SEC24D: variants seen among roughly 807,000 people sequenced by gnomAD.
The protein encoded by SEC24D is protein transport protein Sec24D.
SEC24D carries 69 observed loss-of-function variants against 116.9 expected under a neutral mutation model. That is an observed-to-expected ratio of 0.59 (90% confidence interval 0.49 to 0.72). SEC24D has a LOEUF of 0.72. Among genes scored for constraint, SEC24D ranks in the 30% least tolerant of loss-of-function variants. SEC24D has a pLI of 0.00. For synonymous variants in SEC24D, 405 were observed against 442.8 expected, an observed-to-expected ratio of 0.91 and a Z score of 1.07; for missense variants, 1,131 against 1,264.1, an observed-to-expected ratio of 0.89 and a Z score of 1.60.
chr4:118,802,132 A>C (rs935216805), intron 7 of SEC24D, among the ~76,000 whole-genome samples: 9 of 152,326 alleles, frequency 5.9e-5, no homozygotes, highest in Admixed American at 5.9e-4. Flanking sequence ...AAGAAACAGA[A>C]GAAGGGAGAC....
chr4:118,793,468 A>G (rs1452874143), intron 8 of SEC24D, among the ~76,000 whole-genome samples: 2 of 76,996 alleles, frequency 2.6e-5, no homozygotes, highest in South Asian at 8.0e-4. Context: ...CTCCGTCTCA[A>G]AAAAAAAAAA....
chr4:118,752,129 C>T, intron 12 of SEC24D, 40 bp from the exon 13 acceptor site: 1 of 1,298,468 alleles, frequency 7.7e-7, no homozygotes, highest in South Asian at 1.2e-5. Flanking sequence ...AAATGTTTAG[C>T]ATATTTTAAT....
intron 8 of SEC24D, among the ~76,000 whole-genome samples, chr4:118,784,279 A>G (rs1428566515): frequency 2.6e-5 from 4 of 152,230 alleles, no homozygotes; most frequent in Non-Finnish European, 5.9e-5. Context: ...TATTTATTCT[A>G]TATCAATAAA....
At chr4:118,789,864 A>G (rs1454825065) in intron 8 of SEC24D, among the ~76,000 whole-genome samples, 6 of 152,204 alleles carry the variant, frequency 3.9e-5, no homozygotes, top group East Asian at 1.9e-4. Context: ...GATTACAGGC[A>G]TGAGCCACCG....
At chr4:118,775,610 T>C (rs1274912381) in intron 8 of SEC24D, among the ~76,000 whole-genome samples, 2 of 152,078 alleles carry the variant, frequency 1.3e-5, no homozygotes, top group Admixed American at 6.6e-5. Context: ...GGTAAGGTAG[T>C]AGTATACTGA....
At chr4:118,751,942 GTCTC>G (rs1192623886) in intron 13 of SEC24D, 50 bp downstream of exon 13, 10 of 1,195,420 alleles carry the variant, frequency 8.4e-6, no homozygotes, top group East Asian at 2.4e-5. Flanking sequence ...CTTATTTTTT[GTCTC>G]TCTGTTTTTA....
At chr4:118,816,363 A>C (rs1730147376) in intron 4 of SEC24D, among the ~76,000 whole-genome samples, 2 of 152,188 alleles carry the variant, frequency 1.3e-5, no homozygotes, top group African/African-American at 4.8e-5. Flanking sequence ...AAATCTAGAA[A>C]ATCATATAAA....
chr4:118,758,432 G>A (rs144456117), intron 10 of SEC24D: 11 of 152,102 alleles, frequency 7.2e-5, no homozygotes, highest in South Asian at 2.1e-4. Flanking sequence ...ACATATTTGC[G>A]GTAACATAGA....
At chr4:118,779,438 T>C (rs966020508) in intron 8 of SEC24D, among the ~76,000 whole-genome samples, 2 of 152,350 alleles carry the variant, frequency 1.3e-5, no homozygotes, top group African/African-American at 2.4e-5. Context: ...AAGCCTTGCA[T>C]CCCAGGGATG....
At chr4:118,825,801 C>T (rs1181395557) in intron 2 of SEC24D, among the ~76,000 whole-genome samples, 2 of 152,160 alleles carry the variant, frequency 1.3e-5, no homozygotes, top group Non-Finnish European at 2.9e-5. Flanking sequence ...CATCAATGAC[C>T]ACCTAGCTGC....
chr4:118,802,128 CAGA>C (rs1334626040), intron 7 of SEC24D, among the ~76,000 whole-genome samples: 1 of 152,028 alleles, frequency 6.6e-6, no homozygotes, highest in African/African-American at 2.4e-5. Flanking sequence ...GATTAAGAAA[CAGA>C]AGAAGGGAGA....
In SEC24D at chr4:118,744,156, T is replaced by C. The variant is rs373049214; in HGVS notation, c.1827A>G (p.Ile609Met). The change falls in exon 15 of 23, where the codon ATA (isoleucine) becomes ATG (methionine). Residue 609 changes from isoleucine (I) to methionine (M), a missense_variant and splice_region_variant. Coordinates refer to ENST00000280551, the MANE Select transcript of SEC24D (RefSeq NM_014822.4). Reference protein sequence around the residue: ...KKLVNTDKEKILFQPQTNVYD... With the variant: ...KKLVNTDKEKMLFQPQTNVYD... ...AGACATTTGTTTGGGGCTGGAAAAG[T>C]ATCTGGAAAAAAGATGCAAAAAAAA... 2.1e-5 allele frequency: 32 copies of C among 1,538,132 alleles called. No individual in the cohort carries two copies. Among genetic ancestry groups the C allele is most frequent in the Non-Finnish European group, 2.7e-5 (31 of 1,142,178 alleles).
intron 13 of SEC24D, among the ~76,000 whole-genome samples, chr4:118,750,997 C>T (rs1438683870): frequency 6.6e-6 from 1 of 151,966 alleles, no homozygotes. Context: ...GTCTCATAAA[C>T]TCAGTTCTGT....
At chr4:118,834,293 C>G (rs970134170) in intron 1 of SEC24D, among the ~76,000 whole-genome samples, 1 of 152,174 alleles carries the variant, frequency 6.6e-6, no homozygotes, top group African/African-American at 2.4e-5. Context: ...ATAATTTGAC[C>G]GAGCCAGGTG....
At position 118,824,609 on chromosome 4, in the gene SEC24D, AC is replaced by A; in HGVS notation, c.248+10del. 6.2e-7 allele frequency: 1 copy of A among 1,600,230 alleles called. No individual in the cohort carries two copies. Among genetic ancestry groups the A allele is most frequent in the Non-Finnish European group, 8.5e-7 (1 of 1,175,426 alleles). On this transcript the variant is annotated intron_variant, in intron 3 of 22. Transcript: ENST00000280551. ...AATATACAAACGAAGGTTGGAATCTACCTAGCTCACCTTTGGGGAGGGTGAC... is the reference window on the plus strand; with the variant it reads ...AATATACAAACGAAGGTTGGAATCTACTAGCTCACCTTTGGGGAGGGTGAC...
At chr4:118,812,168 G>A (rs4834705) in intron 6 of SEC24D, among the ~76,000 whole-genome samples, 53,950 of 152,012 alleles carry the variant, frequency 0.35, 10,635 homozygotes, top group East Asian at 0.55. Context: ...CTCATCAACA[G>A]ATGGGTACCA....
intron 8 of SEC24D, among the ~76,000 whole-genome samples, chr4:118,771,019 C>A (rs1727875714): frequency 6.6e-6 from 1 of 152,160 alleles, no homozygotes; most frequent in African/African-American, 2.4e-5. Flanking sequence ...CTAAATTACA[C>A]TGGCTTGTTT....
chr4:118,806,770 G>A (rs934786693), intron 6 of SEC24D, among the ~76,000 whole-genome samples: 1 of 152,162 alleles, frequency 6.6e-6, no homozygotes, highest in Non-Finnish European at 1.5e-5. Context: ...GACCACTTCA[G>A]CTCAGGAGTT....
intron 8 of SEC24D, among the ~76,000 whole-genome samples, chr4:118,770,070 G>T (rs1727826074): frequency 1.3e-5 from 2 of 152,158 alleles, no homozygotes; most frequent in Non-Finnish European, 2.9e-5. Flanking sequence ...TTGTAAAAAT[G>T]ATCTAGAAGA....
Sources: gnomAD v4.1 joint callset for allele counts (sites outside exome capture counted in the v4.1 genomes callset) on GRCh38, gnomAD v4.1.1 for gene constraint, MANE v1.5 for transcripts, NCBI Gene and HGNC (gene_info 2026-07-23, HGNC 2026-07-21) for gene names.